DNM3: variants seen among roughly 807,000 people sequenced by gnomAD.
The protein encoded by DNM3 is dynamin-3.
Under a neutral mutation model 101.6 loss-of-function variants are expected in DNM3, and 47 were observed. That is an observed-to-expected ratio of 0.46 (90% CI 0.37 to 0.59). DNM3 has a LOEUF of 0.59. Ranked by LOEUF, DNM3 falls within the 20% of genes least tolerant of loss-of-function variation. DNM3 has a pLI of 0.00. For missense variants in DNM3, 849 were observed against 1,085.7 expected, an observed-to-expected ratio of 0.78 and a Z score of 3.06; for synonymous variants, 385 against 387.9, an observed-to-expected ratio of 0.99 and a Z score of 0.09.
chr1:172,315,610 A>T (rs1322523173), intron 16 of DNM3, among the ~76,000 whole-genome samples: 1 of 152,264 alleles, frequency 6.6e-6, no homozygotes, highest in Admixed American at 6.5e-5. Context: ...TCAAGAACCA[A>T]TGCGATCAAC....
intron 2 of DNM3, among the ~76,000 whole-genome samples, chr1:171,927,430 A>AC (rs936145377): frequency 6.6e-6 from 1 of 152,032 alleles, no homozygotes; most frequent in Non-Finnish European, 1.5e-5. Flanking sequence ...CCCAGTGTCT[A>AC]CTTTTTCCTT....
intron 15 of DNM3, among the ~76,000 whole-genome samples, chr1:172,308,445 C>A (rs994646204): frequency 6.6e-6 from 1 of 152,230 alleles, no homozygotes; most frequent in Admixed American, 6.5e-5. Context: ...AATCAGTTCA[C>A]ACCCAGTGTA....
At chr1:171,845,532 T>C (rs2031940326) in intron 1 of DNM3, among the ~76,000 whole-genome samples, 1 of 152,252 alleles carries the variant, frequency 6.6e-6, no homozygotes, top group South Asian at 2.1e-4. Context: ...CCGGCATGGC[T>C]GATAGAGCAA....
intron 1 of DNM3, among the ~76,000 whole-genome samples, chr1:171,855,508 G>A (rs114170445): frequency 0.09 from 13,666 of 152,234 alleles, 789 homozygotes; most frequent in South Asian, 0.23. Flanking sequence ...GTGTATAAGT[G>A]TTACCATTTC....
At chr1:172,297,359 T>C (rs1461160507) in intron 15 of DNM3, among the ~76,000 whole-genome samples, 1 of 152,146 alleles carries the variant, frequency 6.6e-6, no homozygotes, top group Non-Finnish European at 1.5e-5. Context: ...TATCCTATTG[T>C]TTCTCATTTG....
intron 13 of DNM3, among the ~76,000 whole-genome samples, chr1:172,098,969 A>G (rs1278397849): frequency 6.6e-6 from 1 of 152,236 alleles, no homozygotes; most frequent in Non-Finnish European, 1.5e-5. Context: ...CAGTGATAGC[A>G]CGAATTCTCT....
chr1:172,189,812 T>C (rs2059642909), intron 14 of DNM3, among the ~76,000 whole-genome samples: 1 of 151,762 alleles, frequency 6.6e-6, no homozygotes, highest in Non-Finnish European at 1.5e-5. Flanking sequence ...GCAGGTGCTG[T>C]GACATGTTGA....
In DNM3 at chr1:172,408,107, C is replaced by A; in HGVS notation, c.*266C>A. ...TATAGCAGCCCTATACTTTGGGGAT[C>A]ATTTGCCTACCATGGCATATATTTG... is the stretch of plus-strand genomic sequence containing the variant. On this transcript the variant is annotated 3_prime_UTR_variant, in exon 21 of 21. Coordinates refer to ENST00000627582, the MANE Select transcript of DNM3 (RefSeq NM_015569.5). 1 of 1,232,588 alleles carries A rather than the reference C, an allele frequency of 8.1e-7. No homozygotes were observed. The highest frequency in any genetic ancestry group is 3.0e-5 in the South Asian group (1 of 33,846). 76.4% of individuals were successfully genotyped at this position (1,232,588 alleles called of 1,614,324 possible). A position where few individuals can be genotyped will look rare whatever the true frequency, so the allele number is the denominator to read the frequency against.
intron 10 of DNM3, among the ~76,000 whole-genome samples, chr1:172,061,864 T>A (rs926835348): frequency 2.6e-5 from 4 of 151,746 alleles, no homozygotes; most frequent in Non-Finnish European, 2.9e-5. Context: ...AAGAAAAAAA[T>A]TAAAAAAAAA....
chr1:171,881,375 A>C (rs1160311902), intron 1 of DNM3, among the ~76,000 whole-genome samples: 1 of 152,212 alleles, frequency 6.6e-6, no homozygotes, highest in African/African-American at 2.4e-5. Flanking sequence ...TCAGGAAATT[A>C]AAATTTAAGG....
intron 13 of DNM3, among the ~76,000 whole-genome samples, chr1:172,093,270 T>G (rs1175161111): frequency 6.6e-6 from 1 of 152,126 alleles, no homozygotes; most frequent in Non-Finnish European, 1.5e-5. Context: ...TTGCACAGCT[T>G]GGTATCAGTG....
intron 4 of DNM3, among the ~76,000 whole-genome samples, chr1:172,012,301 G>A (rs1033346418): frequency 6.6e-6 from 1 of 152,000 alleles, no homozygotes; most frequent in Non-Finnish European, 1.5e-5. Flanking sequence ...CAGCATGCAG[G>A]AGCACATGTG....
chr1:172,192,539 A>T (rs2059772198), intron 14 of DNM3, among the ~76,000 whole-genome samples: 1 of 78,340 alleles, frequency 1.3e-5, no homozygotes, highest in African/African-American at 5.2e-5. Flanking sequence ...CCCCCACCCC[A>T]CAACAGTCCC....
chr1:171,851,126 ATCTG>A (rs551832951), intron 1 of DNM3, among the ~76,000 whole-genome samples: 93 of 152,202 alleles, frequency 6.1e-4, no homozygotes, highest in Middle Eastern at 3.4e-3. Flanking sequence ...TCTCAGCTCT[ATCTG>A]TCTGATTTAG....
chr1:172,283,697 T>C (rs1218535340), intron 15 of DNM3, among the ~76,000 whole-genome samples: 7 of 144,596 alleles, frequency 4.8e-5, no homozygotes, highest in Admixed American at 1.4e-4. Context: ...GAGGCGGAGG[T>C]TGCAGTGAGC....
At chr1:172,111,143 C>T (rs2055445097) in intron 13 of DNM3, among the ~76,000 whole-genome samples, 1 of 152,206 alleles carries the variant, frequency 6.6e-6, no homozygotes, top group Non-Finnish European at 1.5e-5. Flanking sequence ...ACAATTAGAG[C>T]AAACCACTGA....
At chr1:172,027,735 A>G (rs2048317321) in intron 4 of DNM3, among the ~76,000 whole-genome samples, 3 of 152,154 alleles carry the variant, frequency 2.0e-5, no homozygotes, top group Non-Finnish European at 4.4e-5. Context: ...GATATTTACC[A>G]AGGAAATGGA....
chr1:172,269,308 C>T (rs1013525978), intron 15 of DNM3, among the ~76,000 whole-genome samples: 1 of 152,168 alleles, frequency 6.6e-6, no homozygotes. Context: ...ACCTATTTTC[C>T]GGAACAAGTA....
chr1:172,038,025 G>A (rs954441485), intron 6 of DNM3, among the ~76,000 whole-genome samples: 2 of 152,146 alleles, frequency 1.3e-5, no homozygotes, highest in African/African-American at 4.8e-5. Flanking sequence ...TTATTGGGCA[G>A]CCTCATTAGT....
Sources: gnomAD v4.1 joint callset for allele counts (sites outside exome capture counted in the v4.1 genomes callset) on GRCh38, gnomAD v4.1.1 for gene constraint, MANE v1.5 for transcripts, NCBI Gene and HGNC (gene_info 2026-07-23, HGNC 2026-07-21) for gene names.